Variants in TRPM8 observed in about 807,000 individuals in gnomAD.
TRPM8 encodes TRPM8 cationic channel.
A neutral mutation model predicts 133.7 loss-of-function variants in TRPM8; 110 were observed. The observed-to-expected ratio is 0.82, with a 90% CI of 0.70 to 0.96. The LOEUF (loss-of-function observed/expected upper bound fraction) is 0.96. Ranked by LOEUF, TRPM8 falls within the 40% of genes least tolerant of loss-of-function variation. TRPM8 has a pLI of 0.00. For missense variants in TRPM8, 1,291 were observed against 1,379.5 expected, an observed-to-expected ratio of 0.94 and a Z score of 1.02; for synonymous variants, 535 against 532.3, an observed-to-expected ratio of 1.01 and a Z score of -0.07.
chr2:233,928,789 G>A lies in TRPM8; in HGVS notation c.118-1879G>A, dbSNP rs572268172. Among the ~76,000 whole-genome samples the A allele has an allele frequency of 2.0e-5, 3 of 152,168 alleles. No individual in the cohort carries two copies. In the South Asian group the frequency reaches 6.3e-4, roughly 32 times the overall value. On this transcript the variant is annotated intron_variant, in intron 2 of 25. Coordinates refer to ENST00000324695, the MANE Select transcript of TRPM8 (RefSeq NM_024080.5). Reference sequence around the variant, plus strand: ...CCACCAGCTTGAGAAATAGCATATCGCCCCCATGTGGCCGCCCCGTTGGCT... The same window carrying A: ...CCACCAGCTTGAGAAATAGCATATCACCCCCATGTGGCCGCCCCGTTGGCT...
At chr2:233,942,972 G>A (rs1574707313) in intron 6 of TRPM8, 1 of 598,456 alleles carries the variant, frequency 1.7e-6, no homozygotes, top group Non-Finnish European at 3.0e-6. Context: ...TCATTAAAAT[G>A]TGTTCTCAGC....
intron 17 of TRPM8, among the ~76,000 whole-genome samples, chr2:233,975,314 T>TA (rs1484273906): frequency 6.6e-6 from 1 of 152,152 alleles, no homozygotes; most frequent in African/African-American, 2.4e-5. Context: ...GTGGCCATGG[T>TA]AACACTCAGG....
At chr2:233,936,935 C>T (rs1224519167) in intron 3 of TRPM8, among the ~76,000 whole-genome samples, 1 of 135,380 alleles carries the variant, frequency 7.4e-6, no homozygotes, top group African/African-American at 2.9e-5. Context: ...CTTGCTCTGT[C>T]ACCCAGGTTG....
In TRPM8 at chr2:233,987,212, T is replaced by C. The variant is rs576711775; in HGVS notation, c.2939+1347T>C. Among the ~76,000 whole-genome samples, 193 of 152,346 alleles carry C rather than the reference T, an allele frequency of 1.3e-3. 1 individual carries two copies. The highest frequency in any genetic ancestry group is 4.5e-3 in the African/African-American group (187 of 41,578). On this transcript the variant is annotated intron_variant, in intron 21 of 25. Transcript: ENST00000324695. ...TCCACACTGTGGAATATTATGCCGC[T>C]CTTAAAAGACAAAGTTTGATCTATA...
At position 233,955,252 on chromosome 2, in the gene TRPM8, T is replaced by A. The variant is rs1280976933; in HGVS notation, c.1362+2T>A. 3 of 1,611,372 alleles carry A rather than the reference T, an allele frequency of 1.9e-6. No individual in the cohort carries two copies. The highest frequency in any genetic ancestry group is 2.5e-6 in the Non-Finnish European group (3 of 1,177,636). On this transcript the variant is annotated splice_donor_variant, in intron 11 of 25. Coordinates refer to ENST00000324695, the MANE Select transcript of TRPM8 (RefSeq NM_024080.5). LOFTEE classifies it high-confidence loss of function. ...TTCACCAATGACCGCCGATGGGAGG[T>A]AAGCACGAAGCTCTCCTGGGTTATT... is the stretch of plus-strand genomic sequence containing the variant.
intron 17 of TRPM8, among the ~76,000 whole-genome samples, chr2:233,977,297 A>G (rs1691894499): frequency 6.6e-6 from 1 of 152,198 alleles, no homozygotes; most frequent in South Asian, 2.1e-4. Flanking sequence ...ATCCTGACAG[A>G]TATGATGAAA....
In TRPM8 at chr2:233,958,158, G is replaced by T. The variant is rs1388684855; in HGVS notation, c.1363-2618G>T. On this transcript the variant is annotated intron_variant, in intron 11 of 25. Coordinates refer to ENST00000324695, the MANE Select transcript of TRPM8 (RefSeq NM_024080.5). ...TGGTTATTAAATCAGGGCTCCATCGGTATCATGGCAGGGGGAGTTGCTGAT... is the reference window on the plus strand; with the variant it reads ...TGGTTATTAAATCAGGGCTCCATCGTTATCATGGCAGGGGGAGTTGCTGAT... Among the ~76,000 whole-genome samples the T allele has an allele frequency of 2.6e-5, 4 of 152,314 alleles. No homozygotes were observed. In the East Asian group the frequency reaches 7.7e-4, roughly 29 times the overall value.
chr2:233,983,330 A>G, intron 20 of TRPM8, 106 bp downstream of exon 20: 1 of 1,288,966 alleles, frequency 7.8e-7, no homozygotes. Flanking sequence ...CACGCGCGTG[A>G]AACGGAGTCC....
At chr2:234,012,425 C>T (rs567572152) in intron 24 of TRPM8, among the ~76,000 whole-genome samples, 172 of 151,772 alleles carry the variant, frequency 1.1e-3, no homozygotes, top group African/African-American at 4.0e-3. Flanking sequence ...GGATTACAGG[C>T]ATGAGCCACC....
In TRPM8 at chr2:233,942,625, C is replaced by T. The variant is rs200164205; in HGVS notation, c.576C>T (p.Ile192=). The T allele has an allele frequency of 2.8e-5, 45 of 1,614,066 alleles. No individual in the cohort carries two copies. Among genetic ancestry groups the T allele is most frequent in the South Asian group, 7.7e-5 (7 of 91,080 alleles). ...CCCATTATGGCCTGATGAAGTACAT[C>T]GGGGAGGTGGTGAGAGATAACACCA... ...GGTHYGLMKY[I]GEVVRDNTIS... Residue 192 remains isoleucine, a synonymous_variant, in exon 6 of 26, where the codon ATC becomes ATT. Coordinates refer to ENST00000324695, the MANE Select transcript of TRPM8 (RefSeq NM_024080.5).
At chr2:233,987,503 C>G (rs1692173835) in intron 21 of TRPM8, among the ~76,000 whole-genome samples, 1 of 152,174 alleles carries the variant, frequency 6.6e-6, no homozygotes, top group African/African-American at 2.4e-5. Context: ...TGGCCTCCCC[C>G]TGAGCAGGGC....
chr2:233,971,767 A>C (rs192998003), intron 17 of TRPM8, among the ~76,000 whole-genome samples: 4 of 152,280 alleles, frequency 2.6e-5, no homozygotes, highest in Non-Finnish European at 5.9e-5. Context: ...TCATAAAAGC[A>C]GTGTGGACCC....
chr2:233,920,277 C>T (rs1329047566), intron 1 of TRPM8, among the ~76,000 whole-genome samples: 1 of 152,150 alleles, frequency 6.6e-6, no homozygotes, highest in East Asian at 1.9e-4. Flanking sequence ...TTTCAAGAGT[C>T]CATCTTGATT....
At chr2:233,959,325 C>CTTTT (rs778556639) in intron 11 of TRPM8, among the ~76,000 whole-genome samples, 44 of 106,294 alleles carry the variant, frequency 4.1e-4, no homozygotes, top group African/African-American at 1.1e-3. Flanking sequence ...CTCGCCCAGC[C>CTTTT]TTTTTTTTTT....
At chr2:233,990,961 T>C (rs1692261233) in intron 21 of TRPM8, among the ~76,000 whole-genome samples, 1 of 152,140 alleles carries the variant, frequency 6.6e-6, no homozygotes, top group Non-Finnish European at 1.5e-5. Flanking sequence ...GAGAGGCTAT[T>C]TGCAGAGGAG....
intron 1 of TRPM8, among the ~76,000 whole-genome samples, chr2:233,919,167 C>CT (rs1043642127): frequency 1.1e-4 from 16 of 151,400 alleles, no homozygotes; most frequent in South Asian, 2.1e-4. Flanking sequence ...TGCCAGAAGC[C>CT]TTTTTTTATT....
chr2:234,000,588 A>T (rs573106299), intron 22 of TRPM8, among the ~76,000 whole-genome samples: 57 of 152,350 alleles, frequency 3.7e-4, no homozygotes, highest in African/African-American at 1.3e-3. Context: ...CTACAACAAA[A>T]GACAGAGTAA....
chr2:233,934,789 G>A (rs183427969), intron 3 of TRPM8, among the ~76,000 whole-genome samples: 2 of 152,338 alleles, frequency 1.3e-5, no homozygotes, highest in Admixed American at 6.5e-5. Flanking sequence ...GTTTGGCTGG[G>A]AATCCATCTG....
intron 16 of TRPM8, 118 bp from the exon 17 acceptor site, chr2:233,970,092 G>T: frequency 1.0e-6 from 1 of 960,076 alleles, no homozygotes; most frequent in African/African-American, 1.6e-5. Flanking sequence ...ACACGGTTTT[G>T]CTCCCGTCTC....
Sources: gnomAD v4.1 joint callset for allele counts (sites outside exome capture counted in the v4.1 genomes callset) on GRCh38, gnomAD v4.1.1 for gene constraint, MANE v1.5 for transcripts, NCBI Gene and HGNC (gene_info 2026-07-23, HGNC 2026-07-21) for gene names.